The following MACROD2 variants were observed in gnomAD, a reference collection of about 807,000 sequenced individuals.
The protein encoded by MACROD2 is ADP-ribose glycohydrolase MACROD2.
A neutral mutation model predicts 70.4 loss-of-function variants in MACROD2; 36 were observed. The ratio of observed to expected loss-of-function variants is 0.51; its 90% CI spans 0.39 to 0.68. The LOEUF is 0.68. MACROD2 is among the 30% of genes least tolerant of loss of function. MACROD2 has a pLI of 0.00. For synonymous variants in MACROD2, 172 were observed against 178.8 expected, an observed-to-expected ratio of 0.96 and a Z score of 0.30; for missense variants, 496 against 538.4, an observed-to-expected ratio of 0.92 and a Z score of 0.78.
chr20:14,461,864 C>CA (rs1431791063), intron 3 of MACROD2, among the ~76,000 whole-genome samples: 2 of 152,048 alleles, frequency 1.3e-5, no homozygotes, highest in African/African-American at 4.8e-5. Flanking sequence ...ATATGTGTCA[C>CA]ATTTTCTTAA....
At chr20:15,282,401 C>T (rs1342951567) in intron 6 of MACROD2, among the ~76,000 whole-genome samples, 2 of 152,166 alleles carry the variant, frequency 1.3e-5, no homozygotes, top group African/African-American at 2.4e-5. Context: ...AACATAAGTT[C>T]CAATTCCAAA....
chr20:15,969,787 A>T (rs1438043329), intron 13 of MACROD2, among the ~76,000 whole-genome samples: 1 of 152,082 alleles, frequency 6.6e-6, no homozygotes, highest in Non-Finnish European at 1.5e-5. Context: ...TAGTTGAAGA[A>T]ATGTGGTGAG....
At chr20:15,072,123 CATGTTAAATGG>C (rs1279768456) in intron 5 of MACROD2, among the ~76,000 whole-genome samples, 1 of 152,090 alleles carries the variant, frequency 6.6e-6, no homozygotes, top group Non-Finnish European at 1.5e-5. Flanking sequence ...TGTCTACATA[CATGTTAAATGG>C]ATTGTAATGT....
intron 6 of MACROD2, among the ~76,000 whole-genome samples, chr20:15,345,122 A>G (rs750236394): frequency 4.6e-5 from 7 of 152,186 alleles, no homozygotes; most frequent in African/African-American, 1.4e-4. Context: ...TGAGAGCTCT[A>G]TCCTTATGGC....
intron 12 of MACROD2, among the ~76,000 whole-genome samples, chr20:15,954,048 T>A (rs2065943027): frequency 6.6e-6 from 1 of 152,168 alleles, no homozygotes; most frequent in Non-Finnish European, 1.5e-5. Flanking sequence ...TGTTTATGTT[T>A]GAACCCTATA....
At chr20:14,579,180 GCCGGA>G (rs1980832607) in intron 4 of MACROD2, among the ~76,000 whole-genome samples, 1 of 127,332 alleles carries the variant, frequency 7.9e-6, no homozygotes, top group Non-Finnish European at 1.6e-5. Flanking sequence ...TGTCGCCCAG[GCCGGA>G]CTGCGGACTG....
At chr20:14,364,737 C>T in intron 3 of MACROD2, among the ~76,000 whole-genome samples, 1 of 152,190 alleles carries the variant, frequency 6.6e-6, no homozygotes, top group East Asian at 1.9e-4. Flanking sequence ...TGCTTTTTTT[C>T]GTTAGCATAA....
chr20:14,900,588 A>G (rs1415952906), intron 5 of MACROD2, among the ~76,000 whole-genome samples: 1 of 151,870 alleles, frequency 6.6e-6, no homozygotes, highest in East Asian at 1.9e-4. Context: ...TATCTAATTT[A>G]TTGGTCTACA....
chr20:14,372,013 A>T (rs774103284), intron 3 of MACROD2, among the ~76,000 whole-genome samples: 3 of 151,870 alleles, frequency 2.0e-5, no homozygotes, highest in Non-Finnish European at 4.4e-5. Context: ...CTTCTTTGTG[A>T]TTATTTGATT....
At chr20:14,785,984 A>G (rs1368375301) in intron 5 of MACROD2, among the ~76,000 whole-genome samples, 1 of 152,124 alleles carries the variant, frequency 6.6e-6, no homozygotes, top group African/African-American at 2.4e-5. Context: ...TCAAAAAACA[A>G]GAATGGAGAA....
At chr20:15,786,350 T>C (rs1568560550) in intron 8 of MACROD2, among the ~76,000 whole-genome samples, 1 of 151,996 alleles carries the variant, frequency 6.6e-6, no homozygotes, top group Non-Finnish European at 1.5e-5. Context: ...GAAAAAAAAG[T>C]GTGTGCCAGA....
At chr20:15,090,053 A>G (rs6074838) in intron 5 of MACROD2, among the ~76,000 whole-genome samples, 53,497 of 151,924 alleles carry the variant, frequency 0.35, 9,823 homozygotes, top group East Asian at 0.45. Context: ...GATGTTTGAG[A>G]GAGAATAAAA....
chr20:15,930,390 A>G (rs534792606), intron 10 of MACROD2, among the ~76,000 whole-genome samples: 1 of 152,330 alleles, frequency 6.6e-6, no homozygotes, highest in African/African-American at 2.4e-5. Flanking sequence ...TAAGCCAGCC[A>G]AAATGTCCTT....
At chr20:14,315,490 T>C (rs1256999818) in intron 3 of MACROD2, among the ~76,000 whole-genome samples, 1 of 152,176 alleles carries the variant, frequency 6.6e-6, no homozygotes, top group East Asian at 1.9e-4. Flanking sequence ...GATTTAGCAG[T>C]GAAACTACAG....
At chr20:15,937,581 T>C in intron 12 of MACROD2, 37 bp downstream of exon 12, 1 of 1,580,562 alleles carries the variant, frequency 6.3e-7, no homozygotes, top group Non-Finnish European at 8.7e-7. Context: ...AATTGCAGAC[T>C]CTTAAAAGAG....
chr20:16,001,482 A>C (rs1273488827), intron 15 of MACROD2, among the ~76,000 whole-genome samples: 1 of 152,220 alleles, frequency 6.6e-6, no homozygotes, highest in African/African-American at 2.4e-5. Context: ...GTCGAGATGA[A>C]TCAGTCACGT....
chr20:14,482,797 C>T (rs2084677786), intron 3 of MACROD2, among the ~76,000 whole-genome samples: 2 of 152,192 alleles, frequency 1.3e-5, no homozygotes, highest in South Asian at 2.1e-4. Flanking sequence ...ATAATTTCCA[C>T]TTCATTCCTT....
chr20:14,916,207 C>T (rs1277030992), intron 5 of MACROD2, among the ~76,000 whole-genome samples: 6 of 152,152 alleles, frequency 3.9e-5, no homozygotes, highest in Admixed American at 3.3e-4. Context: ...TTCCCAACTC[C>T]GTCAGAGTTC....
chr20:14,821,904 C>A (rs140522828), intron 5 of MACROD2, among the ~76,000 whole-genome samples: 1 of 152,006 alleles, frequency 6.6e-6, no homozygotes, highest in Non-Finnish European at 1.5e-5. Flanking sequence ...GTAAGGGCTG[C>A]CTGATCTTAT....
Sources: gnomAD v4.1 joint callset for allele counts (sites outside exome capture counted in the v4.1 genomes callset) on GRCh38, gnomAD v4.1.1 for gene constraint, MANE v1.5 for transcripts, NCBI Gene and HGNC (gene_info 2026-07-23, HGNC 2026-07-21) for gene names.